ZEB1: variants seen among roughly 807,000 people sequenced by gnomAD.
The protein encoded by ZEB1 is zinc finger E-box binding homeobox 1.
Under a neutral mutation model 84.9 loss-of-function variants are expected in ZEB1, and 21 were observed. That is an observed-to-expected ratio of 0.25 (90% confidence interval 0.18 to 0.36). The LOEUF (loss-of-function observed/expected upper bound fraction) is 0.36, where lower values mean the gene tolerates loss of function less well. Among genes scored for constraint, ZEB1 ranks in the 10% least tolerant of loss-of-function variants. The probability of loss-of-function intolerance (pLI) is 1.00; values close to 1 mark genes in which losing one functional copy is unlikely to be tolerated. For missense variants in ZEB1, 1,104 were observed against 1,330.2 expected (o/e 0.83, Z 2.65); for synonymous variants, 420 against 471.1 (o/e 0.89, Z 1.41).
At chr10:31,418,536 T>A (rs929124255) in intron 1 of ZEB1, among the ~76,000 whole-genome samples, 1 of 152,108 alleles carries the variant, frequency 6.6e-6, no homozygotes, top group African/African-American at 2.4e-5. Context: ...GCTCAATATT[T>A]AAAAAATAAA....
rs2045877527 is a variant in ZEB1 at position 31,372,354 on chromosome 10, G to A, written c.58+53062G>A. Among the ~76,000 whole-genome samples the A allele has an allele frequency of 2.6e-5, 4 of 151,992 alleles. No individual in the cohort carries two copies. The South Asian group carries it at 8.3e-4, about 31-fold the overall frequency. ...GAATAATTTAATGTGTCTAATACTTGAGAAGGATCAAAACAGACTGTACAA... is the reference window on the plus strand; with the variant it reads ...GAATAATTTAATGTGTCTAATACTTAAGAAGGATCAAAACAGACTGTACAA... On this transcript the variant is annotated intron_variant, in intron 1 of 8. Coordinates refer to ENST00000424869, the MANE Select transcript of ZEB1 (RefSeq NM_001174096.2).
At chr10:31,347,471 G>C (rs2040513211) in intron 1 of ZEB1, among the ~76,000 whole-genome samples, 1 of 152,060 alleles carries the variant, frequency 6.6e-6, no homozygotes, top group Non-Finnish European at 1.5e-5. Flanking sequence ...TGGCCTCCTA[G>C]GTAGCTGGGA....
chr10:31,419,455 A>G (rs2055776840), intron 1 of ZEB1, among the ~76,000 whole-genome samples: 1 of 152,188 alleles, frequency 6.6e-6, no homozygotes, highest in Non-Finnish European at 1.5e-5. Flanking sequence ...TAATTATACT[A>G]TGGCTAATGT....
At chr10:31,369,141 T>G (rs141499046) in intron 1 of ZEB1, among the ~76,000 whole-genome samples, 1 of 152,260 alleles carries the variant, frequency 6.6e-6, no homozygotes. Context: ...TACAATGTGA[T>G]GTTTTGATAT....
At chr10:31,441,238 T>G (rs1403524277) in intron 1 of ZEB1, among the ~76,000 whole-genome samples, 1 of 152,122 alleles carries the variant, frequency 6.6e-6, no homozygotes, top group Non-Finnish European at 1.5e-5. Flanking sequence ...AACAGAGGCC[T>G]CAGAAATAAT....
intron 6 of ZEB1, among the ~76,000 whole-genome samples, chr10:31,517,301 G>T (rs954845692): frequency 6.6e-6 from 1 of 151,958 alleles, no homozygotes; most frequent in Non-Finnish European, 1.5e-5. Flanking sequence ...AGAACCGTGT[G>T]TGTTAATAAT....
At chr10:31,518,687 C>A (rs2071659485) in intron 6 of ZEB1, among the ~76,000 whole-genome samples, 1 of 152,138 alleles carries the variant, frequency 6.6e-6, no homozygotes, top group African/African-American at 2.4e-5. Flanking sequence ...GAACCCAAAT[C>A]CATGGACCTC....
intron 2 of ZEB1, among the ~76,000 whole-genome samples, chr10:31,462,998 A>G (rs1386497277): frequency 6.6e-6 from 1 of 152,200 alleles, no homozygotes; most frequent in East Asian, 1.9e-4. Context: ...AGTGAGACTC[A>G]GAGAAGTTGA....
At chr10:31,355,054 G>A (rs751643034) in intron 1 of ZEB1, 2 of 151,964 alleles carry the variant, frequency 1.3e-5, no homozygotes, top group Admixed American at 6.6e-5. Context: ...TGATATCTTT[G>A]GTAAGACTCC....
chr10:31,429,468 G>A (rs1268301337), intron 1 of ZEB1, among the ~76,000 whole-genome samples: 1 of 152,052 alleles, frequency 6.6e-6, no homozygotes, highest in East Asian at 1.9e-4. Flanking sequence ...CACATGTTAA[G>A]TAGGAACTAA....
chr10:31,360,278 A>T (rs538735439), intron 1 of ZEB1, among the ~76,000 whole-genome samples: 9 of 152,326 alleles, frequency 5.9e-5, no homozygotes, highest in Middle Eastern at 3.4e-3. Context: ...GACAAACATG[A>T]TGGGAATTAA....
intron 2 of ZEB1, among the ~76,000 whole-genome samples, chr10:31,480,727 T>C (rs2064936058): frequency 6.6e-6 from 1 of 152,024 alleles, no homozygotes; most frequent in Non-Finnish European, 1.5e-5. Flanking sequence ...CATTTTGTCC[T>C]CTTTAAAAAA....
rs140450552 is a variant in ZEB1 at position 31,477,109 on chromosome 10, G to A, written c.259+15872G>A. 7.0e-3 allele frequency among the ~76,000 whole-genome samples: 1,057 copies of A among 152,058 alleles called. 12 individuals are homozygous for A. Among genetic ancestry groups the A allele is most frequent in the African/African-American group, 0.023 (973 of 41,496 alleles). On this transcript the variant is annotated intron_variant, in intron 2 of 8. Transcript: ENST00000424869. ...CAAAAGGCATCCAGATTGGAAAAGA[G>A]GAAATCAAATTATCTCTGGTCACTG... is the stretch of plus-strand genomic sequence containing the variant.
At chr10:31,321,491 T>C (rs1297066643) in intron 1 of ZEB1, 3 of 1,613,932 alleles carry the variant, frequency 1.9e-6, no homozygotes, top group Non-Finnish European at 2.5e-6. Context: ...GTGTGTTCCA[T>C]ATTGAGCTGT....
intron 1 of ZEB1, among the ~76,000 whole-genome samples, chr10:31,352,570 C>G (rs2041489953): frequency 6.6e-6 from 1 of 152,074 alleles, no homozygotes; most frequent in Admixed American, 6.6e-5. Flanking sequence ...GGCTGGGGTG[C>G]TAGGAAAGAG....
intron 1 of ZEB1, among the ~76,000 whole-genome samples, chr10:31,418,206 C>G (rs1353871448): frequency 6.6e-6 from 1 of 151,838 alleles, no homozygotes; most frequent in Non-Finnish European, 1.5e-5. Context: ...TGTAGGAATG[C>G]CAGCGCCACC....
intron 1 of ZEB1, among the ~76,000 whole-genome samples, chr10:31,337,692 T>G (rs553641297): frequency 1.4e-5 from 2 of 145,260 alleles, no homozygotes; most frequent in East Asian, 1.9e-4. Flanking sequence ...TGTTTTTTTT[T>G]TTTTTTTTTT....
chr10:31,372,973 A>T, intron 1 of ZEB1: 1 of 983,560 alleles, frequency 1.0e-6, no homozygotes. Flanking sequence ...TGCTCTTATC[A>T]GTTGGTGGGT....
intron 2 of ZEB1, among the ~76,000 whole-genome samples, chr10:31,475,734 A>C (rs764971966): frequency 6.6e-6 from 1 of 152,164 alleles, no homozygotes; most frequent in Non-Finnish European, 1.5e-5. Flanking sequence ...AGATAAGCAC[A>C]CATAGAGAGA....
Sources: allele counts gnomAD v4.1 joint callset (sites outside exome capture counted in the v4.1 genomes callset), GRCh38; gene constraint gnomAD v4.1.1; transcripts MANE v1.5; gene names NCBI Gene and HGNC (gene_info 2026-07-23, HGNC 2026-07-21).